The following KCNIP4 variants were observed in gnomAD, a reference collection of about 807,000 sequenced individuals.
KCNIP4 encodes potassium voltage-gated channel interacting protein 4.
KCNIP4 carries 12 observed loss-of-function variants against 34.0 expected under a neutral mutation model. The ratio of observed to expected loss-of-function variants is 0.35; its 90% CI spans 0.23 to 0.57. The LOEUF (loss-of-function observed/expected upper bound fraction) is 0.57, where lower values mean the gene tolerates loss of function less well. Ranked by LOEUF, KCNIP4 falls within the 20% of genes least tolerant of loss-of-function variation. The pLI, the probability that KCNIP4 is intolerant of heterozygous loss-of-function variation, is 0.83. For missense variants in KCNIP4, 238 were observed against 311.7 expected, an observed-to-expected ratio of 0.76 and a Z score of 1.78; for synonymous variants, 124 against 102.2, an observed-to-expected ratio of 1.21 and a Z score of -1.29.
intron 1 of KCNIP4, among the ~76,000 whole-genome samples, chr4:21,363,634 A>G (rs1445133981): frequency 6.6e-6 from 1 of 152,140 alleles, no homozygotes; most frequent in African/African-American, 2.4e-5. Flanking sequence ...ATAATTACTG[A>G]TTTTTAATAT....
intron 1 of KCNIP4, among the ~76,000 whole-genome samples, chr4:21,574,786 T>C (rs1162357802): frequency 1.3e-5 from 2 of 152,202 alleles, no homozygotes; most frequent in African/African-American, 4.8e-5. Context: ...TAATGTCTTA[T>C]GCCTAGTCTC....
rs191713204 is a variant in KCNIP4 at position 21,230,506 on chromosome 4, T to C, written c.62-347797A>G. 9.8e-4 allele frequency among the ~76,000 whole-genome samples: 149 copies of C among 152,150 alleles called. 1 individual carries two copies. The highest frequency in any genetic ancestry group is 3.4e-3 in the African/African-American group (140 of 41,522). On this transcript the variant is annotated intron_variant, in intron 1 of 8. Transcript: ENST00000382152. ...ATCCTAATGCTCTGCCTCTCCCTAA[T>C]CCCCTGACAGGAGAGTCAGGGGAGT...
chr4:21,882,610 C>A (rs972850057), intron 1 of KCNIP4, among the ~76,000 whole-genome samples: 1 of 152,028 alleles, frequency 6.6e-6, no homozygotes, highest in Non-Finnish European at 1.5e-5. Flanking sequence ...ATGTAGGAGA[C>A]CAGACAGAAT....
chr4:21,762,861 G>A, intron 1 of KCNIP4: 1 of 1,074,820 alleles, frequency 9.3e-7, no homozygotes, highest in South Asian at 1.4e-5. Context: ...GAAAGGAAAG[G>A]AGAATCCCAG....
chr4:20,850,446 G>T lies in KCNIP4; in HGVS notation c.288+97C>A, dbSNP rs1720886741. On this transcript the variant is annotated intron_variant, in intron 3 of 8. Transcript: ENST00000382152. ...TCAGTATGAAATATACATATGATGG[G>T]GCTCTCATAGAATGGGATATTTTCC... 7 of 1,238,036 alleles carry T rather than the reference G, an allele frequency of 5.7e-6. No individual in the cohort carries two copies. The Admixed American group carries it at 1.2e-4, about 20-fold the overall frequency. The allele number at this position is 1,238,036 out of a possible 1,614,324, so 76.7% of individuals were successfully genotyped here. A position where few individuals can be genotyped will look rare whatever the true frequency, so the allele number is the denominator to read the frequency against.
intron 1 of KCNIP4, among the ~76,000 whole-genome samples, chr4:21,658,425 T>C (rs1024703710): frequency 6.6e-6 from 1 of 152,128 alleles, no homozygotes; most frequent in South Asian, 2.1e-4. Context: ...ATCCCTTTTT[T>C]ATTTTTTTGA....
intron 1 of KCNIP4, among the ~76,000 whole-genome samples, chr4:21,560,013 T>G (rs1739385511): frequency 6.6e-6 from 1 of 152,146 alleles, no homozygotes; most frequent in East Asian, 1.9e-4. Context: ...TTACTTTGAT[T>G]TTCCCCTTTG....
intron 1 of KCNIP4, among the ~76,000 whole-genome samples, chr4:21,450,092 A>G (rs1417158691): frequency 6.6e-6 from 1 of 152,154 alleles, no homozygotes; most frequent in East Asian, 1.9e-4. Context: ...AAAATGCCAT[A>G]ATTATCACTA....
At chr4:20,744,172 A>C (rs939848075) in intron 5 of KCNIP4, among the ~76,000 whole-genome samples, 1 of 152,222 alleles carries the variant, frequency 6.6e-6, no homozygotes, top group Non-Finnish European at 1.5e-5. Flanking sequence ...GTGGGACTGT[A>C]AACTAGTTCA....
In KCNIP4 at chr4:20,864,131, T is replaced by C. The variant is rs563743475; in HGVS notation, c.164-13464A>G. ...ATGTATACATATCCATGTATACACA[T>C]GTATGTATACATATCCATGTATGCA... On this transcript the variant is annotated intron_variant, in intron 2 of 8. Coordinates refer to ENST00000382152, the MANE Select transcript of KCNIP4 (RefSeq NM_025221.6). Among the ~76,000 whole-genome samples the C allele has an allele frequency of 6.6e-4, 83 of 126,194 alleles. 2 individuals carry two copies. Among genetic ancestry groups the C allele is most frequent in the African/African-American group, 2.0e-3 (80 of 39,044 alleles). The allele number at this position is 126,194 out of a possible 152,430, so 82.8% of individuals were successfully genotyped here.
chr4:21,544,487 G>A (rs1737974227), intron 1 of KCNIP4: 2 of 152,162 alleles, frequency 1.3e-5, no homozygotes, highest in African/African-American at 4.8e-5. Context: ...CTCTTATCTG[G>A]AAGTTCCAAG....
intron 1 of KCNIP4, among the ~76,000 whole-genome samples, chr4:21,535,466 A>G (rs1198948662): frequency 6.6e-6 from 1 of 151,978 alleles, no homozygotes; most frequent in Non-Finnish European, 1.5e-5. Flanking sequence ...AAGGTGCTAA[A>G]CTCTACTGAT....
At chr4:21,571,339 T>C (rs1310960275) in intron 1 of KCNIP4, among the ~76,000 whole-genome samples, 3 of 152,168 alleles carry the variant, frequency 2.0e-5, no homozygotes, top group African/African-American at 7.2e-5. Context: ...TGTTATAGCA[T>C]ATGTGCAAAA....
chr4:21,328,931 T>A (rs185331644), intron 1 of KCNIP4, among the ~76,000 whole-genome samples: 1 of 152,236 alleles, frequency 6.6e-6, no homozygotes, highest in Non-Finnish European at 1.5e-5. Flanking sequence ...AGTCACCTTG[T>A]GGTAAATGCT....
intron 1 of KCNIP4, among the ~76,000 whole-genome samples, chr4:21,115,328 T>G (rs979052711): frequency 6.6e-6 from 1 of 152,194 alleles, no homozygotes; most frequent in African/African-American, 2.4e-5. Context: ...AAGTAAACCA[T>G]TATCTATTAA....
intron 1 of KCNIP4, among the ~76,000 whole-genome samples, chr4:21,717,980 G>A (rs1031336073): frequency 3.9e-5 from 6 of 152,102 alleles, no homozygotes; most frequent in African/African-American, 1.4e-4. Context: ...TTCATTTCAT[G>A]TCATAACAGA....
At chr4:20,799,413 T>G (rs557583665) in intron 3 of KCNIP4, among the ~76,000 whole-genome samples, 1 of 152,134 alleles carries the variant, frequency 6.6e-6, no homozygotes, top group Non-Finnish European at 1.5e-5. Flanking sequence ...CTAACCCACA[T>G]AGCCATGCTT....
intron 1 of KCNIP4, among the ~76,000 whole-genome samples, chr4:21,757,152 AAAG>A (rs1476785334): frequency 3.5e-3 from 95 of 26,940 alleles, no homozygotes; most frequent in Non-Finnish European, 5.6e-3. Flanking sequence ...AGAAAGAAAG[AAAG>A]AAAGAAAGAA....
intron 1 of KCNIP4, among the ~76,000 whole-genome samples, chr4:21,626,774 G>A (rs775898928): frequency 6.6e-6 from 1 of 152,008 alleles, no homozygotes; most frequent in Non-Finnish European, 1.5e-5. Context: ...GAGTCATATG[G>A]GTTCTTTTTT....
Sources: gnomAD v4.1 joint callset for allele counts (sites outside exome capture counted in the v4.1 genomes callset) on GRCh38, gnomAD v4.1.1 for gene constraint, MANE v1.5 for transcripts, NCBI Gene and HGNC (gene_info 2026-07-23, HGNC 2026-07-21) for gene names.